Variants in ADARB2 observed in about 807,000 individuals in gnomAD.
ADARB2 encodes the protein adenosine deaminase RNA specific B2 (inactive).
In ADARB2, 25 loss-of-function variants were observed where a neutral mutation model predicts 62.2. The ratio of observed to expected loss-of-function variants is 0.40; its 90% CI spans 0.29 to 0.56. ADARB2 has a LOEUF of 0.56. ADARB2 is among the 20% of genes least tolerant of loss of function. ADARB2 has a pLI of 0.43. For synonymous variants in ADARB2, 572 were observed against 500.8 expected, an observed-to-expected ratio of 1.14 and a Z score of -1.90; for missense variants, 1,071 against 1,077.4, an observed-to-expected ratio of 0.99 and a Z score of 0.08.
At position 1,178,659 on chromosome 10, in the gene ADARB2, T is replaced by C. The variant is rs7901513; in HGVS notation, c.*4534A>G. On this transcript the variant is annotated 3_prime_UTR_variant, in exon 10 of 10. Transcript: ENST00000381312. Reference sequence around the variant, plus strand: ...GAGGCGGGGGGTGGTCTGTCCCTGCTAAGAGCTGCCTGGGGGTGCTACTGC... The same window carrying C: ...GAGGCGGGGGGTGGTCTGTCCCTGCCAAGAGCTGCCTGGGGGTGCTACTGC... 40,016 of 152,192 alleles carry C rather than the reference T, an allele frequency of 0.26. 5,303 individuals carry two copies. The highest frequency in any genetic ancestry group is 0.33 in the Middle Eastern group (97 of 292). 9.4% of individuals were successfully genotyped at this position (152,192 alleles called of 1,614,324 possible).
At chr10:1,452,017 T>A (rs1225597670) in intron 1 of ADARB2, among the ~76,000 whole-genome samples, 1 of 152,144 alleles carries the variant, frequency 6.6e-6, no homozygotes, top group Non-Finnish European at 1.5e-5. Context: ...TACCTAGGAA[T>A]CACGGATGTG....
intron 3 of ADARB2, among the ~76,000 whole-genome samples, chr10:1,296,602 G>T (rs1335186962): frequency 1.3e-5 from 2 of 152,100 alleles, no homozygotes; most frequent in African/African-American, 4.8e-5. Context: ...TTGGGGGAGG[G>T]CAGGGGGAAG....
At chr10:1,209,126 C>T (rs531663293) in intron 7 of ADARB2, among the ~76,000 whole-genome samples, 1 of 152,256 alleles carries the variant, frequency 6.6e-6, no homozygotes, top group Admixed American at 6.5e-5. Flanking sequence ...GGGAGACACA[C>T]AGGATGGAGA....
intron 1 of ADARB2, among the ~76,000 whole-genome samples, chr10:1,525,446 G>T (rs1832128175): frequency 1.3e-5 from 2 of 151,634 alleles, no homozygotes; most frequent in South Asian, 2.1e-4. Context: ...TTTTTTCCTT[G>T]ACTGAAACAT....
intron 1 of ADARB2, among the ~76,000 whole-genome samples, chr10:1,695,337 C>T (rs1481131054): frequency 2.0e-5 from 3 of 152,166 alleles, no homozygotes; most frequent in Admixed American, 6.5e-5. Flanking sequence ...GAGTGACCCC[C>T]GAGCCTCAGC....
At chr10:1,379,012 G>C in intron 2 of ADARB2, 62 bp downstream of exon 2, 2 of 1,469,726 alleles carry the variant, frequency 1.4e-6, no homozygotes, top group Non-Finnish European at 9.5e-7. Flanking sequence ...GGGGACTGCA[G>C]GGGACCCCTG....
intron 1 of ADARB2, among the ~76,000 whole-genome samples, chr10:1,638,250 T>A (rs1479015598): frequency 6.6e-6 from 1 of 152,234 alleles, no homozygotes; most frequent in Non-Finnish European, 1.5e-5. Context: ...TGTCATTAAC[T>A]CGTGAATTAA....
chr10:1,347,761 C>A (rs1178289118), intron 3 of ADARB2, among the ~76,000 whole-genome samples: 1 of 152,192 alleles, frequency 6.6e-6, no homozygotes, highest in Non-Finnish European at 1.5e-5. Flanking sequence ...ACCCCACGTA[C>A]GCAGTGCACC....
intron 1 of ADARB2, among the ~76,000 whole-genome samples, chr10:1,492,340 C>T (rs561165111): frequency 4.6e-5 from 7 of 152,174 alleles, no homozygotes; most frequent in Non-Finnish European, 1.0e-4. Context: ...GGTCCTAGCT[C>T]GTTAAGAGGA....
intron 1 of ADARB2, among the ~76,000 whole-genome samples, chr10:1,507,739 A>C (rs1831870304): frequency 6.6e-6 from 1 of 152,138 alleles, no homozygotes; most frequent in African/African-American, 2.4e-5. Context: ...TGTGAGTCCT[A>C]AGTGCCAGAT....
chr10:1,507,279 G>A (rs1464235304), intron 1 of ADARB2, among the ~76,000 whole-genome samples: 1 of 152,236 alleles, frequency 6.6e-6, no homozygotes, highest in Non-Finnish European at 1.5e-5. Flanking sequence ...TGTAGAAGAG[G>A]AGCTCGTTTT....
intron 8 of ADARB2, among the ~76,000 whole-genome samples, chr10:1,195,793 G>A (rs1836902902): frequency 6.6e-6 from 1 of 152,152 alleles, no homozygotes; most frequent in South Asian, 2.1e-4. Flanking sequence ...AAGCACAGTG[G>A]GGAGAGTCTG....
At chr10:1,413,514 T>G (rs1052605547) in intron 1 of ADARB2, among the ~76,000 whole-genome samples, 4 of 152,188 alleles carry the variant, frequency 2.6e-5, no homozygotes, top group South Asian at 4.1e-4. Flanking sequence ...ACAGCTGAAG[T>G]GCACACAGCC....
intron 1 of ADARB2, among the ~76,000 whole-genome samples, chr10:1,725,960 A>T (rs1033651258): frequency 6.6e-6 from 1 of 152,268 alleles, no homozygotes; most frequent in African/African-American, 2.4e-5. Context: ...TACTGTGTTT[A>T]TCAGTGATTA....
At chr10:1,192,013 C>T (rs1329443731) in intron 8 of ADARB2, among the ~76,000 whole-genome samples, 1 of 152,192 alleles carries the variant, frequency 6.6e-6, no homozygotes, top group African/African-American at 2.4e-5. Context: ...ATCCACAACT[C>T]ATCTATGAAA....
intron 1 of ADARB2, among the ~76,000 whole-genome samples, chr10:1,600,344 C>G (rs1160080974): frequency 6.6e-6 from 1 of 151,970 alleles, no homozygotes; most frequent in East Asian, 1.9e-4. Context: ...ATTGTTAACA[C>G]CTGATAGAGG....
chr10:1,503,943 A>T (rs1831801176), intron 1 of ADARB2, among the ~76,000 whole-genome samples: 1 of 152,186 alleles, frequency 6.6e-6, no homozygotes, highest in African/African-American at 2.4e-5. Context: ...ACCGTGAGCC[A>T]TTTAAACCTC....
intron 1 of ADARB2, among the ~76,000 whole-genome samples, chr10:1,609,400 A>G: frequency 6.6e-6 from 1 of 152,312 alleles, no homozygotes; most frequent in South Asian, 2.1e-4. Flanking sequence ...GTGCCTGGGA[A>G]GGCGGCACCC....
chr10:1,647,144 C>A (rs191414577), intron 1 of ADARB2, among the ~76,000 whole-genome samples: 15 of 152,360 alleles, frequency 9.8e-5, no homozygotes, highest in African/African-American at 3.4e-4. Context: ...AGAGACCCTC[C>A]CCAAGATAAG....
Sources: gnomAD v4.1 joint callset for allele counts (sites outside exome capture counted in the v4.1 genomes callset) on GRCh38, gnomAD v4.1.1 for gene constraint, MANE v1.5 for transcripts, NCBI Gene and HGNC (gene_info 2026-07-23, HGNC 2026-07-21) for gene names.